The following NCOR1 variants were observed in gnomAD, a reference collection of about 807,000 sequenced individuals.
The protein encoded by NCOR1 is protein phosphatase 1, regulatory subunit 109.
A neutral mutation model predicts 288.1 loss-of-function variants in NCOR1; 63 were observed. That is an observed-to-expected ratio of 0.22 (90% confidence interval 0.18 to 0.27). NCOR1 has a LOEUF of 0.27. NCOR1 is among the 10% of genes least tolerant of loss of function. The pLI is 1.00. For missense variants in NCOR1, 2,397 were observed against 3,019.2 expected (o/e 0.79, Z 4.83); for synonymous variants, 1,007 against 1,065.9 (o/e 0.94, Z 1.08).
At chr17:16,035,449 ACTC>A (rs1974176618) in intron 44 of NCOR1, among the ~76,000 whole-genome samples, 1 of 150,810 alleles carries the variant, frequency 6.6e-6, no homozygotes, top group Non-Finnish European at 1.5e-5. Context: ...CTAAGAAGCA[ACTC>A]CTCATCCATT....
At position 16,137,264 on chromosome 17, in the gene NCOR1, A is replaced by G. The variant is rs374198789; in HGVS notation, c.1509+47T>C. On this transcript the variant is annotated intron_variant, in intron 14 of 45. Coordinates refer to ENST00000268712, the MANE Select transcript of NCOR1 (RefSeq NM_006311.4). ...CTGTTTTAACACTTTTTGCTTGCCT[A>G]TTTCCCCCAATCCTGAAATATCTTC... The G allele has an allele frequency of 9.2e-6, 12 of 1,308,646 alleles. No individual in the cohort carries two copies. In the African/African-American group the frequency reaches 1.2e-4, roughly 13 times the overall value. The allele number at this position is 1,308,646 out of a possible 1,614,324, so 81.1% of individuals were successfully genotyped here. A position where few individuals can be genotyped will look rare whatever the true frequency, so the allele number is the denominator to read the frequency against.
At chr17:16,038,398 C>A (rs1033973411) in intron 44 of NCOR1, among the ~76,000 whole-genome samples, 2 of 151,854 alleles carry the variant, frequency 1.3e-5, no homozygotes, top group Non-Finnish European at 2.9e-5. Context: ...ATGATGTGAT[C>A]TGAAGAACTG....
chr17:16,121,378 T>C (rs2072988764), intron 15 of NCOR1, 109 bp from the exon 16 acceptor site: 1 of 864,670 alleles, frequency 1.2e-6, no homozygotes, highest in Non-Finnish European at 1.6e-6. Context: ...AACTACCTAA[T>C]CTCTCACTCA....
chr17:16,058,357 T>C, intron 38 of NCOR1, 114 bp downstream of exon 38: 2 of 1,349,504 alleles, frequency 1.5e-6, no homozygotes, highest in Non-Finnish European at 2.0e-6. Context: ...TCATGTAAGA[T>C]TACCCTAAAA....
At chr17:16,163,708 C>T (rs1489989055) in intron 5 of NCOR1, among the ~76,000 whole-genome samples, 2 of 152,134 alleles carry the variant, frequency 1.3e-5, no homozygotes, top group South Asian at 2.1e-4. Flanking sequence ...ACATGAATCT[C>T]ATCACAATAC....
At chr17:16,102,062 G>A (rs897245165) in intron 19 of NCOR1, among the ~76,000 whole-genome samples, 5 of 152,162 alleles carry the variant, frequency 3.3e-5, no homozygotes, top group East Asian at 1.9e-4. Context: ...GAAAAAGAAC[G>A]AACAATAAAA....
intron 4 of NCOR1, among the ~76,000 whole-genome samples, chr17:16,167,089 C>T (rs2082160607): frequency 6.6e-6 from 1 of 152,132 alleles, no homozygotes; most frequent in Non-Finnish European, 1.5e-5. Flanking sequence ...GTTACAGAAA[C>T]ATATATAATA....
intron 22 of NCOR1, 35 bp downstream of exon 22, chr17:16,091,828 T>C (rs1421206128): frequency 2.5e-6 from 4 of 1,612,848 alleles, no homozygotes; most frequent in Non-Finnish European, 3.4e-6. Context: ...TTTCCCTTCA[T>C]AAAAGTTCTC....
rs537678628 is a variant in NCOR1, at chr17:16,126,433, C to G, written c.1510-227G>C. Among the ~76,000 whole-genome samples the G allele has an allele frequency of 4.6e-5, 7 of 152,046 alleles. No homozygotes were observed. In the South Asian group the frequency reaches 1.5e-3, roughly 32 times the overall value. On this transcript the variant is annotated intron_variant, in intron 14 of 45. Coordinates refer to ENST00000268712, the MANE Select transcript of NCOR1 (RefSeq NM_006311.4). Reference sequence around the variant, plus strand: ...CAAATGCTCATAGCATTTGGACCCACGAGAAAGTGAAAATGTTAAGATTCT... The same window carrying G: ...CAAATGCTCATAGCATTTGGACCCAGGAGAAAGTGAAAATGTTAAGATTCT...
intron 23 of NCOR1, among the ~76,000 whole-genome samples, chr17:16,081,341 G>C (rs2063380399): frequency 6.9e-6 from 1 of 144,652 alleles, no homozygotes; most frequent in Non-Finnish European, 1.5e-5. Context: ...AAGAACCCTG[G>C]AAATTAACCA....
chr17:16,070,695 T>C lies in NCOR1; in HGVS notation c.4153-170A>G, dbSNP rs376490434. ...ATCCCAAGCTGCATACTTTCCCACA[T>C]TCCACACTCTATGCTATAGACATAA... On this transcript the variant is annotated intron_variant, in intron 30 of 45. Coordinates refer to ENST00000268712, the MANE Select transcript of NCOR1 (RefSeq NM_006311.4). 7.2e-5 allele frequency among the ~76,000 whole-genome samples: 11 copies of C among 152,290 alleles called. No homozygotes were observed. In the East Asian group the frequency reaches 7.7e-4, roughly 11 times the overall value.
At chr17:16,092,690 TATA>T (rs1398131995) in intron 21 of NCOR1, among the ~76,000 whole-genome samples, 130 of 10,662 alleles carry the variant, frequency 0.012, 1 homozygote, top group Non-Finnish European at 0.016. Context: ...TATATATATA[TATA>T]TATTTTTTTT....
intron 3 of NCOR1, among the ~76,000 whole-genome samples, chr17:16,184,341 A>C (rs1466457080): frequency 1.3e-5 from 2 of 152,230 alleles, no homozygotes; most frequent in Non-Finnish European, 2.9e-5. Context: ...TCCAGAATTT[A>C]TAAAGAACTC....
chr17:16,092,695 A>ATTTTTTTTT (rs1184440315), intron 21 of NCOR1, among the ~76,000 whole-genome samples: 6 of 22,602 alleles, frequency 2.7e-4, no homozygotes, highest in African/African-American at 1.0e-3. Flanking sequence ...ATATATATAT[A>ATTTTTTTTT]TTTTTTTTTT....
At chr17:16,047,998 A>G (rs940190832) in intron 41 of NCOR1, among the ~76,000 whole-genome samples, 2 of 152,240 alleles carry the variant, frequency 1.3e-5, no homozygotes, top group African/African-American at 4.8e-5. Flanking sequence ...AAAAGTAGCA[A>G]TATCTGTTTA....
intron 40 of NCOR1, among the ~76,000 whole-genome samples, chr17:16,055,044 G>A (rs1012653711): frequency 6.6e-6 from 1 of 152,212 alleles, no homozygotes; most frequent in African/African-American, 2.4e-5. Flanking sequence ...GCAAGACTGT[G>A]GAGAAAATGG....
At chr17:16,156,166 T>C (rs1445400843) in intron 6 of NCOR1, among the ~76,000 whole-genome samples, 1 of 152,156 alleles carries the variant, frequency 6.6e-6, no homozygotes, top group Non-Finnish European at 1.5e-5. Context: ...CCTGGTGCAG[T>C]GGCTGACGCC....
At chr17:16,136,636 T>G in intron 14 of NCOR1, among the ~76,000 whole-genome samples, 1 of 151,826 alleles carries the variant, frequency 6.6e-6, no homozygotes, top group East Asian at 1.9e-4. Flanking sequence ...TGAAACCCCA[T>G]CTCTACTAAA....
At chr17:16,094,217 T>C (rs1274056573) in intron 21 of NCOR1, among the ~76,000 whole-genome samples, 8 of 152,124 alleles carry the variant, frequency 5.3e-5, no homozygotes, top group Non-Finnish European at 1.0e-4. Context: ...TTTGCCTTAT[T>C]ATGCAGACCG....
Sources: allele counts gnomAD v4.1 joint callset (sites outside exome capture counted in the v4.1 genomes callset), GRCh38; gene constraint gnomAD v4.1.1; transcripts MANE v1.5; gene names NCBI Gene and HGNC (gene_info 2026-07-23, HGNC 2026-07-21).